FBXO22: variants seen among roughly 807,000 people sequenced by gnomAD.
FBXO22 encodes the protein F-box protein 22.
Under a neutral mutation model 37.2 loss-of-function variants are expected in FBXO22, and 13 were observed. The observed-to-expected ratio is 0.35, with a 90% CI of 0.23 to 0.56. FBXO22 has a LOEUF of 0.56. Ranked by LOEUF, FBXO22 falls within the 20% of genes least tolerant of loss-of-function variation. FBXO22 has a pLI of 0.87. For missense variants in FBXO22, 446 were observed against 509.9 expected (o/e 0.87, Z 1.21); for synonymous variants, 189 against 189.1 (o/e 1.00, Z 0.00).
intron 5 of FBXO22, among the ~76,000 whole-genome samples, chr15:75,922,769 A>G (rs1449523815): frequency 1.3e-5 from 2 of 152,196 alleles, no homozygotes; most frequent in Non-Finnish European, 2.9e-5. Context: ...CAGGCAAGAA[A>G]TAACACTAGG....
rs2030096008 is a variant in FBXO22, at chr15:75,932,812, C to T, written c.922C>T (p.Arg308Cys). Residue 308 changes from arginine (R) to cysteine (C), a missense_variant, in exon 7 of 7, where the codon CGC becomes TGC. Coordinates refer to ENST00000308275, the MANE Select transcript of FBXO22 (RefSeq NM_147188.3). ...DEKTAEAAMQ[R>C]LKAANIPEHN... Reference sequence around the variant, plus strand: ...GAAGACTGCTGAGGCTGCGATGCAGCGCCTCAAAGCGGCCAACATTCCAGA... The same window carrying T: ...GAAGACTGCTGAGGCTGCGATGCAGTGCCTCAAAGCGGCCAACATTCCAGA... 7 of 1,614,244 alleles carry T rather than the reference C, an allele frequency of 4.3e-6. No individual in the cohort carries two copies. The highest frequency in any genetic ancestry group is 5.9e-6 in the Non-Finnish European group (7 of 1,180,046).
intron 3 of FBXO22, 64 bp from the exon 4 acceptor site, chr15:75,914,046 T>C: frequency 8.0e-7 from 1 of 1,252,926 alleles, no homozygotes; most frequent in Non-Finnish European, 1.1e-6. Flanking sequence ...CTTTTTTACT[T>C]TTTCATTCTC....
intron 2 of FBXO22, among the ~76,000 whole-genome samples, chr15:75,906,631 C>T (rs1203735044): frequency 1.6e-4 from 25 of 152,002 alleles, no homozygotes; most frequent in Admixed American, 1.6e-3. Context: ...TTCTGTTTCC[C>T]CCTTCCTTGG....
intron 2 of FBXO22, 49 bp downstream of exon 2, chr15:75,904,678 A>G (rs1291308204): frequency 3.9e-6 from 6 of 1,521,856 alleles, no homozygotes; most frequent in East Asian, 2.4e-5. Flanking sequence ...TTGGTGGTTC[A>G]GTCTTTGAGA....
intron 5 of FBXO22, among the ~76,000 whole-genome samples, chr15:75,920,413 C>T (rs1194897129): frequency 6.6e-6 from 1 of 152,126 alleles, no homozygotes; most frequent in Non-Finnish European, 1.5e-5. Context: ...AGCCCAGATT[C>T]TGGGAAGATT....
At chr15:75,913,133 T>C in intron 2 of FBXO22, 70 bp from the exon 3 acceptor site, 1 of 1,027,968 alleles carries the variant, frequency 9.7e-7, no homozygotes, top group South Asian at 1.3e-5. Context: ...TGGGTGATAC[T>C]TCAAGGGACT....
rs1324288091 is a variant in FBXO22, at chr15:75,930,872, A to G, written c.794+823A>G. ...TGGGGACAGACTGTTGCAGATCAGT[A>G]TCTATAAGAATAATGTAAGTCATCC... On this transcript the variant is annotated intron_variant, in intron 6 of 6. Transcript: ENST00000308275. 4 of 979,784 alleles carry G rather than the reference A, an allele frequency of 4.1e-6. No individual in the cohort carries two copies. In the African/African-American group the frequency reaches 7.0e-5, roughly 17 times the overall value. The allele number at this position is 979,784 out of a possible 1,614,324, so 60.7% of individuals were successfully genotyped here. A position where few individuals can be genotyped will look rare whatever the true frequency, so the allele number is the denominator to read the frequency against.
chr15:75,932,817 C>A lies in FBXO22; in HGVS notation c.927C>A (p.Leu309=). 1 of 1,614,242 alleles carries A rather than the reference C, an allele frequency of 6.2e-7. No homozygotes were observed. The highest frequency in any genetic ancestry group is 8.5e-7 in the Non-Finnish European group (1 of 1,180,042). The change falls in exon 7 of 7, where the codon CTC becomes CTA. Residue 309 remains leucine, a synonymous_variant. Transcript: ENST00000308275. ...EKTAEAAMQR[L]KAANIPEHNT... ...CTGCTGAGGCTGCGATGCAGCGCCT[C>A]AAAGCGGCCAACATTCCAGAGCATA...
intron 2 of FBXO22, among the ~76,000 whole-genome samples, chr15:75,906,299 T>A (rs1899928043): frequency 6.6e-6 from 1 of 152,118 alleles, no homozygotes; most frequent in Non-Finnish European, 1.5e-5. Context: ...AGGTCTAGAC[T>A]CTCTAAGTGT....
In FBXO22 at chr15:75,934,203, T is replaced by A. The variant is rs1320590154; in HGVS notation, c.*1101T>A. The A allele has an allele frequency of 6.6e-6, 1 of 152,260 alleles. No individual in the cohort carries two copies. Among genetic ancestry groups the A allele is most frequent in the East Asian group, 1.9e-4 (1 of 5,198 alleles). The allele number at this position is 152,260 out of a possible 1,614,324, so 9.4% of individuals were successfully genotyped here. A position where few individuals can be genotyped will look rare whatever the true frequency, so the allele number is the denominator to read the frequency against. ...AATGGCATGACCATTTATTTGCCCCTTTCTCCATCCTGTTGCTTGGAATGT... is the reference window on the plus strand; with the variant it reads ...AATGGCATGACCATTTATTTGCCCCATTCTCCATCCTGTTGCTTGGAATGT... On this transcript the variant is annotated 3_prime_UTR_variant, in exon 7 of 7. Coordinates refer to ENST00000308275, the MANE Select transcript of FBXO22 (RefSeq NM_147188.3).
At chr15:75,930,151 A>G in intron 6 of FBXO22, 102 bp downstream of exon 6, 2 of 1,579,906 alleles carry the variant, frequency 1.3e-6, no homozygotes, top group Non-Finnish European at 1.7e-6. Flanking sequence ...TTAAAGAATT[A>G]TTAAGATAAT....
Position 75,937,096 on chromosome 15 carries a change from C to G in FBXO22, c.*3994C>G, listed in dbSNP as rs562538298. The G allele has an allele frequency of 6.6e-6, 1 of 152,070 alleles. No homozygotes were observed. Among genetic ancestry groups the G allele is most frequent in the East Asian group, 1.9e-4 (1 of 5,182 alleles). The allele number at this position is 152,070 out of a possible 1,614,324, so 9.4% of individuals were successfully genotyped here. A position where few individuals can be genotyped will look rare whatever the true frequency, so the allele number is the denominator to read the frequency against. On this transcript the variant is annotated 3_prime_UTR_variant, in exon 7 of 7. Coordinates refer to ENST00000308275, the MANE Select transcript of FBXO22 (RefSeq NM_147188.3). ...AATCACTATACTTAATAAACATACT[C>G]TATTCAAGGTCTTGTAATAAAATTA...
Position 75,933,200 on chromosome 15 carries a change from GAT to G in FBXO22, c.*103_*104del. ...TGTATTTCAAACAAAAATAACTTTA[GAT>G]ATATCTTTTTTGTAGCTTTGATTGA... On this transcript the variant is annotated 3_prime_UTR_variant, in exon 7 of 7. Coordinates refer to ENST00000308275, the MANE Select transcript of FBXO22 (RefSeq NM_147188.3). 9.8e-7 allele frequency: 1 copy of G among 1,018,196 alleles called. No individual in the cohort carries two copies. Among genetic ancestry groups the G allele is most frequent in the Admixed American group, 2.4e-5 (1 of 41,314 alleles). 63.1% of individuals were successfully genotyped at this position (1,018,196 alleles called of 1,614,324 possible).
At chr15:75,913,321 GTTT>G (rs752535106) in intron 3 of FBXO22, 31 bp downstream of exon 3, 2 of 1,458,834 alleles carry the variant, frequency 1.4e-6, no homozygotes, top group Non-Finnish European at 1.9e-6. Context: ...TTTTGCTTCT[GTTT>G]TTTTATCATG....
chr15:75,921,267 G>A (rs1187930014), intron 5 of FBXO22, among the ~76,000 whole-genome samples: 1 of 152,144 alleles, frequency 6.6e-6, no homozygotes, highest in East Asian at 1.9e-4. Context: ...AGTTGGTGTG[G>A]GGTGAGTCAG....
chr15:75,904,424 T>G lies in FBXO22; in HGVS notation c.141-67T>G, dbSNP rs949616776. On this transcript the variant is annotated intron_variant, in intron 1 of 6. Coordinates refer to ENST00000308275, the MANE Select transcript of FBXO22 (RefSeq NM_147188.3). ...CTGCTGCTGCGCCAGCGGGTGGGGG[T>G]TTGTGAGCTGTGGGAGAGACGAAAA... 7 of 1,604,738 alleles carry G rather than the reference T, an allele frequency of 4.4e-6. No homozygotes were observed. The Admixed American group carries it at 1.2e-4, about 27-fold the overall frequency.
At position 75,934,287 on chromosome 15, in the gene FBXO22, A is replaced by G. The variant is rs1264523182; in HGVS notation, c.*1185A>G. 2.0e-5 allele frequency: 3 copies of G among 152,282 alleles called. No homozygotes were observed. Among genetic ancestry groups the G allele is most frequent in the African/African-American group, 7.2e-5 (3 of 41,474 alleles). The allele number at this position is 152,282 out of a possible 1,614,324, so 9.4% of individuals were successfully genotyped here. On this transcript the variant is annotated 3_prime_UTR_variant, in exon 7 of 7. Transcript: ENST00000308275. Reference sequence around the variant, plus strand: ...AGGAGGCAACACACCATTGTAGAAGAAAAACAACAGAAGGATCCTGGTCCC... The same window carrying G: ...AGGAGGCAACACACCATTGTAGAAGGAAAACAACAGAAGGATCCTGGTCCC...
intron 5 of FBXO22, among the ~76,000 whole-genome samples, chr15:75,928,528 A>C (rs1216473539): frequency 6.6e-6 from 1 of 152,216 alleles, no homozygotes; most frequent in Non-Finnish European, 1.5e-5. Context: ...TGGGAGCTAA[A>C]TGATGAGAAT....
chr15:75,919,019 A>G (rs376518881), intron 5 of FBXO22, among the ~76,000 whole-genome samples: 3 of 152,114 alleles, frequency 2.0e-5, no homozygotes, highest in African/African-American at 4.8e-5. Flanking sequence ...GTGCGGTGGC[A>G]TGATCTCAGC....
Sources: gnomAD v4.1 joint callset for allele counts (sites outside exome capture counted in the v4.1 genomes callset) on GRCh38, gnomAD v4.1.1 for gene constraint, MANE v1.5 for transcripts, NCBI Gene and HGNC (gene_info 2026-07-23, HGNC 2026-07-21) for gene names.